DCC: variants seen among roughly 807,000 people sequenced by gnomAD.
The protein encoded by DCC is netrin receptor DCC.
DCC carries 58 observed loss-of-function variants against 172.5 expected under a neutral mutation model. The ratio of observed to expected loss-of-function variants is 0.34; its 90% CI spans 0.27 to 0.42. The LOEUF (loss-of-function observed/expected upper bound fraction) is 0.42. Ranked by LOEUF, DCC falls within the 10% of genes least tolerant of loss-of-function variation. DCC has a pLI of 1.00. For synonymous variants in DCC, 709 were observed against 644.5 expected (o/e 1.10, Z -1.52); for missense variants, 1,740 against 1,791.0 (o/e 0.97, Z 0.51).
At chr18:53,476,869 A>G (rs1366490989) in intron 25 of DCC, among the ~76,000 whole-genome samples, 1 of 152,192 alleles carries the variant, frequency 6.6e-6, no homozygotes, top group Non-Finnish European at 1.5e-5. Context: ...ATTATAATTC[A>G]ATGAGAAAAA....
chr18:52,733,603 T>C (rs1375430907), intron 1 of DCC, among the ~76,000 whole-genome samples: 3 of 152,096 alleles, frequency 2.0e-5, no homozygotes, highest in African/African-American at 7.2e-5. Context: ...CCAGTGATCC[T>C]CTCACCTCAG....
At chr18:52,741,265 A>G (rs1236371570) in intron 1 of DCC, among the ~76,000 whole-genome samples, 2 of 152,178 alleles carry the variant, frequency 1.3e-5, no homozygotes, top group African/African-American at 4.8e-5. Context: ...CTCTACTGCA[A>G]TACCTTAGGC....
intron 2 of DCC, among the ~76,000 whole-genome samples, chr18:52,902,649 C>T (rs2039826416): frequency 1.3e-5 from 2 of 152,136 alleles, no homozygotes; most frequent in South Asian, 4.1e-4. Context: ...TACCTTGAAA[C>T]TATAGTACTA....
intron 1 of DCC, chr18:52,419,364 C>G (rs2144428532): frequency 6.6e-6 from 1 of 152,236 alleles, no homozygotes; most frequent in East Asian, 1.9e-4. Context: ...ACTGGCAATG[C>G]ACATACCTCT....
At chr18:52,527,824 G>A (rs148602449) in intron 1 of DCC, among the ~76,000 whole-genome samples, 6 of 152,272 alleles carry the variant, frequency 3.9e-5, no homozygotes, top group Middle Eastern at 3.4e-3. Flanking sequence ...TGGCATGTAC[G>A]AGGGCATTAG....
At chr18:52,923,346 T>C (rs2145485305) in intron 3 of DCC, among the ~76,000 whole-genome samples, 1 of 152,256 alleles carries the variant, frequency 6.6e-6, no homozygotes, top group South Asian at 2.1e-4. Flanking sequence ...GAATAGATAT[T>C]GGTGGTAGGC....
intron 1 of DCC, among the ~76,000 whole-genome samples, chr18:52,554,292 G>T (rs932228282): frequency 6.5e-4 from 99 of 152,194 alleles, no homozygotes; most frequent in African/African-American, 2.3e-3. Flanking sequence ...ACATGCCACA[G>T]GTTTCCTGTT....
At chr18:52,952,044 T>G (rs2040656536) in intron 5 of DCC, among the ~76,000 whole-genome samples, 1 of 152,184 alleles carries the variant, frequency 6.6e-6, no homozygotes, top group Admixed American at 6.5e-5. Flanking sequence ...TGATTTTGTA[T>G]TAGGGCTAAT....
intron 1 of DCC, among the ~76,000 whole-genome samples, chr18:52,715,544 A>T (rs2036365908): frequency 6.6e-6 from 1 of 152,086 alleles, no homozygotes; most frequent in Non-Finnish European, 1.5e-5. Context: ...ACCTCAAGTC[A>T]TCTGCCTGCC....
At chr18:52,980,483 T>C (rs1391413202) in intron 5 of DCC, among the ~76,000 whole-genome samples, 2 of 152,038 alleles carry the variant, frequency 1.3e-5, no homozygotes, top group South Asian at 4.1e-4. Context: ...TATCTATTCA[T>C]TTGTTGGCTC....
At chr18:53,029,980 T>G (rs1191888462) in intron 5 of DCC, among the ~76,000 whole-genome samples, 1 of 152,214 alleles carries the variant, frequency 6.6e-6, no homozygotes, top group Non-Finnish European at 1.5e-5. Flanking sequence ...AGCCATTCAC[T>G]TCTCAGATTC....
intron 2 of DCC, among the ~76,000 whole-genome samples, chr18:52,890,554 CTT>C (rs2145420431): frequency 6.6e-6 from 1 of 152,192 alleles, no homozygotes; most frequent in African/African-American, 2.4e-5. Context: ...TAGGTTAACA[CTT>C]TGTAAATTTA....
chr18:52,492,450 A>C (rs1353563365), intron 1 of DCC, among the ~76,000 whole-genome samples: 1 of 151,982 alleles, frequency 6.6e-6, no homozygotes, highest in African/African-American at 2.4e-5. Flanking sequence ...ATGTGGAGTG[A>C]GTGGCCTTAA....
At chr18:53,421,279 C>T (rs571685978) in intron 21 of DCC, among the ~76,000 whole-genome samples, 6 of 152,278 alleles carry the variant, frequency 3.9e-5, no homozygotes, top group Middle Eastern at 3.4e-3. Context: ...TGTGTTTCTA[C>T]GTCTGCTCAT....
At chr18:52,681,423 A>G (rs2035748798) in intron 1 of DCC, among the ~76,000 whole-genome samples, 1 of 152,114 alleles carries the variant, frequency 6.6e-6, no homozygotes, top group Non-Finnish European at 1.5e-5. Context: ...AAATTTAAGA[A>G]TACTCATTAA....
At chr18:52,988,848 G>T (rs2041336569) in intron 5 of DCC, among the ~76,000 whole-genome samples, 1 of 151,806 alleles carries the variant, frequency 6.6e-6, no homozygotes, top group Admixed American at 6.6e-5. Context: ...ACTAAATATT[G>T]CATTGCAATA....
At chr18:52,969,049 C>T (rs1287290328) in intron 5 of DCC, among the ~76,000 whole-genome samples, 2 of 152,036 alleles carry the variant, frequency 1.3e-5, no homozygotes, top group Admixed American at 6.5e-5. Context: ...TCTCACTTTT[C>T]TTCTTCCTCT....
intron 1 of DCC, among the ~76,000 whole-genome samples, chr18:52,385,849 T>C (rs1473238900): frequency 6.6e-6 from 1 of 152,074 alleles, no homozygotes; most frequent in Non-Finnish European, 1.5e-5. Context: ...GACAATTGTT[T>C]TCCTCTTTTA....
intron 2 of DCC, among the ~76,000 whole-genome samples, chr18:52,791,308 T>G (rs2037763485): frequency 6.6e-6 from 1 of 151,510 alleles, no homozygotes; most frequent in African/African-American, 2.4e-5. Flanking sequence ...GTGAAAGGAG[T>G]TCCAGTGCTT....
Sources: allele counts gnomAD v4.1 joint callset (sites outside exome capture counted in the v4.1 genomes callset), GRCh38; gene constraint gnomAD v4.1.1; transcripts MANE v1.5; gene names NCBI Gene and HGNC (gene_info 2026-07-23, HGNC 2026-07-21).